TBC1D5: variants seen among roughly 807,000 people sequenced by gnomAD.
TBC1D5 encodes the protein TBC1 domain family member 5.
A neutral mutation model predicts 100.3 loss-of-function variants in TBC1D5; 75 were observed. That is an observed-to-expected ratio of 0.75 (90% CI 0.62 to 0.91). The LOEUF is 0.91. Ranked by LOEUF, TBC1D5 falls within the 40% of genes least tolerant of loss-of-function variation. TBC1D5 has a pLI of 0.00. For missense variants in TBC1D5, 910 were observed against 942.4 expected, an observed-to-expected ratio of 0.97 and a Z score of 0.45; for synonymous variants, 323 against 325.6, an observed-to-expected ratio of 0.99 and a Z score of 0.09.
chr3:17,230,364 T>C (rs1160760333), intron 17 of TBC1D5, among the ~76,000 whole-genome samples: 1 of 152,170 alleles, frequency 6.6e-6, no homozygotes, highest in Non-Finnish European at 1.5e-5. Context: ...ACTCCCACAT[T>C]ATGCCTCAAT....
chr3:17,288,690 T>A (rs578224010), intron 15 of TBC1D5, among the ~76,000 whole-genome samples: 1 of 152,140 alleles, frequency 6.6e-6, no homozygotes, highest in Non-Finnish European at 1.5e-5. Context: ...AGGACCACCC[T>A]TGCATCCCCT....
At chr3:17,693,301 A>G (rs1332315528) in intron 1 of TBC1D5, among the ~76,000 whole-genome samples, 1 of 152,246 alleles carries the variant, frequency 6.6e-6, no homozygotes, top group African/African-American at 2.4e-5. Context: ...CGGGAAGTGC[A>G]AGGGGTCAGG....
At chr3:17,555,840 C>T (rs2096514201) in intron 2 of TBC1D5, among the ~76,000 whole-genome samples, 1 of 152,148 alleles carries the variant, frequency 6.6e-6, no homozygotes, top group Non-Finnish European at 1.5e-5. Context: ...TGTGCCTGAA[C>T]TCCAAAGCAA....
chr3:17,223,224 C>T (rs1306640861), intron 17 of TBC1D5, among the ~76,000 whole-genome samples: 1 of 151,972 alleles, frequency 6.6e-6, no homozygotes, highest in African/African-American at 2.4e-5. Context: ...TATTAAGACC[C>T]AAAAATCTTT....
chr3:17,536,407 A>G (rs2096281927), intron 2 of TBC1D5, among the ~76,000 whole-genome samples: 1 of 152,244 alleles, frequency 6.6e-6, no homozygotes, highest in Admixed American at 6.5e-5. Context: ...ATATTTACCA[A>G]CTTATCCATT....
At chr3:17,698,922 G>A (rs1333466470) in intron 1 of TBC1D5, among the ~76,000 whole-genome samples, 1 of 138,906 alleles carries the variant, frequency 7.2e-6, no homozygotes, top group Non-Finnish European at 1.6e-5. Flanking sequence ...TGGAGAAATA[G>A]GAACACTTTT....
chr3:17,383,346 T>G (rs2093025670), intron 9 of TBC1D5, among the ~76,000 whole-genome samples: 1 of 151,742 alleles, frequency 6.6e-6, no homozygotes, highest in Non-Finnish European at 1.5e-5. Context: ...AAATAAAAAA[T>G]GTAAATATAT....
intron 1 of TBC1D5, among the ~76,000 whole-genome samples, chr3:17,699,733 T>C (rs892566820): frequency 6.6e-6 from 1 of 150,512 alleles, no homozygotes; most frequent in Non-Finnish European, 1.5e-5. Flanking sequence ...AATAATATTG[T>C]AAAAGTTAAT....
At chr3:17,738,326 C>T (rs58392667) in intron 1 of TBC1D5, among the ~76,000 whole-genome samples, 7,495 of 152,246 alleles carry the variant, frequency 0.049, 589 homozygotes, top group African/African-American at 0.17. Flanking sequence ...AGATTATCCA[C>T]AGAATATCTA....
chr3:17,160,870 T>G, exon 22 of TBC1D5: 1 of 1,441,298 alleles, frequency 6.9e-7, no homozygotes. Context: ...GAAGCAGTGG[T>G]TTAAGAAGGT....
intron 17 of TBC1D5, among the ~76,000 whole-genome samples, chr3:17,224,511 T>G (rs370688544): frequency 1.3e-5 from 2 of 152,216 alleles, no homozygotes; most frequent in East Asian, 3.8e-4. Flanking sequence ...GCAGTGCATA[T>G]TTTTTACTCA....
At chr3:17,365,133 T>C (rs1017489397) in intron 13 of TBC1D5, among the ~76,000 whole-genome samples, 3 of 152,210 alleles carry the variant, frequency 2.0e-5, no homozygotes, top group African/African-American at 4.8e-5. Flanking sequence ...GCATGATTAT[T>C]TTTGACAATT....
intron 3 of TBC1D5, among the ~76,000 whole-genome samples, chr3:17,441,433 C>T (rs1046251784): frequency 5.9e-5 from 9 of 152,074 alleles, no homozygotes; most frequent in East Asian, 1.9e-4. Context: ...TGGATTCTAA[C>T]GACAAGAAAA....
chr3:17,225,659 C>A (rs1559445838), intron 17 of TBC1D5, among the ~76,000 whole-genome samples: 2 of 151,880 alleles, frequency 1.3e-5, no homozygotes, highest in Non-Finnish European at 2.9e-5. Context: ...TGGTGCGTGC[C>A]TGTAGTCCAC....
chr3:17,175,411 G>A (rs2067610436), intron 19 of TBC1D5, among the ~76,000 whole-genome samples: 2 of 152,138 alleles, frequency 1.3e-5, no homozygotes, highest in South Asian at 4.1e-4. Context: ...ATCACCCTGT[G>A]CGCCAGAGAG....
At chr3:17,266,227 C>T (rs2078833295) in intron 15 of TBC1D5, among the ~76,000 whole-genome samples, 1 of 152,134 alleles carries the variant, frequency 6.6e-6, no homozygotes, top group African/African-American at 2.4e-5. Flanking sequence ...ACTTACTGCC[C>T]TTTTCATTAA....
chr3:17,208,683 T>C (rs2072559305), intron 18 of TBC1D5, among the ~76,000 whole-genome samples: 1 of 152,234 alleles, frequency 6.6e-6, no homozygotes, highest in African/African-American at 2.4e-5. Flanking sequence ...ACTTACTTTA[T>C]TTCTATTTTT....
At position 17,681,967 on chromosome 3, in the gene TBC1D5, G is replaced by A. The variant is rs776850810; in HGVS notation, c.-101+57376C>T. Among the ~76,000 whole-genome samples the A allele has an allele frequency of 5.9e-5, 9 of 151,562 alleles. 1 individual carries two copies. Among genetic ancestry groups the A allele is most frequent in the Non-Finnish European group, 8.8e-5 (6 of 68,040 alleles). ...ACTGCGCATGCAAGGGAGCTAGGTT[G>A]CCTGCACCTTATGAGAATCTAACTA... On this transcript the variant is annotated intron_variant, in intron 1 of 21. Coordinates refer to ENST00000253692, the Ensembl canonical transcript of TBC1D5.
chr3:17,472,573 T>G (rs1246249577), intron 3 of TBC1D5, among the ~76,000 whole-genome samples: 2 of 152,198 alleles, frequency 1.3e-5, no homozygotes, highest in Non-Finnish European at 2.9e-5. Flanking sequence ...TCCATAGCAC[T>G]TATCCCTATA....
Sources: gnomAD v4.1 joint callset for allele counts (sites outside exome capture counted in the v4.1 genomes callset) on GRCh38, gnomAD v4.1.1 for gene constraint, MANE v1.5 for transcripts, NCBI Gene and HGNC (gene_info 2026-07-23, HGNC 2026-07-21) for gene names.